NAPEPLD: variants seen among roughly 807,000 people sequenced by gnomAD.
NAPEPLD encodes N-acyl-phosphatidylethanolamine-hydrolyzing phospholipase D.
In NAPEPLD, 23 loss-of-function variants were observed where a neutral mutation model predicts 38.1. That is an observed-to-expected ratio of 0.60 (90% CI 0.43 to 0.86). NAPEPLD has a LOEUF of 0.86. Among genes scored for constraint, NAPEPLD ranks in the 40% least tolerant of loss-of-function variants. The pLI is 0.00. For missense variants in NAPEPLD, 411 were observed against 476.8 expected (o/e 0.86, Z 1.28); for synonymous variants, 147 against 162.0 (o/e 0.91, Z 0.71).
At chr7:103,117,183 C>T (rs1323430024) in intron 3 of NAPEPLD, among the ~76,000 whole-genome samples, 1 of 152,200 alleles carries the variant, frequency 6.6e-6, no homozygotes, top group African/African-American at 2.4e-5. Flanking sequence ...TTACAGAAGA[C>T]ATCATGGAGA....
chr7:103,134,249 A>G (rs1809570781), intron 1 of NAPEPLD, among the ~76,000 whole-genome samples: 1 of 152,240 alleles, frequency 6.6e-6, no homozygotes, highest in South Asian at 2.1e-4. Context: ...TGTGAACAAC[A>G]GTTAGTTATA....
upstream of NAPEPLD, chr7:103,149,221 C>T (rs1249996945): frequency 1.0e-6 from 1 of 997,628 alleles, no homozygotes; most frequent in African/African-American, 1.7e-5. Flanking sequence ...ACTCGGGATC[C>T]CGGGCCGCGG....
At chr7:103,140,387 C>CTTT (rs377763676) in intron 1 of NAPEPLD, among the ~76,000 whole-genome samples, 1,699 of 92,366 alleles carry the variant, frequency 0.018, 61 homozygotes, top group African/African-American at 0.021. Flanking sequence ...TCACAGAACT[C>CTTT]TTTTTTTTTT....
chr7:103,142,372 G>A (rs756494835), intron 1 of NAPEPLD, among the ~76,000 whole-genome samples: 3 of 152,128 alleles, frequency 2.0e-5, no homozygotes, highest in East Asian at 1.9e-4. Flanking sequence ...TTGGGAGGCC[G>A]AGGCAGGTGG....
intron 1 of NAPEPLD, among the ~76,000 whole-genome samples, chr7:103,136,351 T>C (rs546781232): frequency 6.7e-6 from 1 of 148,232 alleles, no homozygotes; most frequent in South Asian, 2.2e-4. Flanking sequence ...GTGGGCAGAC[T>C]GCCTGAGCTC....
intron 4 of NAPEPLD, among the ~76,000 whole-genome samples, chr7:103,114,772 G>C (rs1805235075): frequency 6.6e-6 from 1 of 152,154 alleles, no homozygotes; most frequent in Admixed American, 6.5e-5. Flanking sequence ...TGCTTTTCTA[G>C]TCTCCAGACC....
In NAPEPLD at chr7:103,111,996, T is replaced by C. The variant is rs181116528; in HGVS notation, c.1056+3064A>G. On this transcript the variant is annotated intron_variant, in intron 4 of 4. Transcript: ENST00000465647. The stretch of plus-strand genomic sequence containing the variant: ...GACATTTATGCAGCCAACAAACATA[T>C]GAAAAAAAAAACTCATCATCACTGG... Among the ~76,000 whole-genome samples the C allele has an allele frequency of 8.4e-4, 126 of 150,866 alleles. 1 individual carries two copies. Among genetic ancestry groups the C allele is most frequent in the Middle Eastern group, 3.4e-3 (1 of 292 alleles).
chr7:103,113,604 T>C (rs980048361), intron 4 of NAPEPLD, among the ~76,000 whole-genome samples: 8 of 149,966 alleles, frequency 5.3e-5, no homozygotes, highest in Non-Finnish European at 8.9e-5. Context: ...AGTCTCACTT[T>C]TTTTTTTAAG....
chr7:103,145,775 C>T (rs958011855), intron 1 of NAPEPLD, among the ~76,000 whole-genome samples: 1 of 152,010 alleles, frequency 6.6e-6, no homozygotes, highest in African/African-American at 2.4e-5. Context: ...CATGCTGTCA[C>T]CCTAATTATG....
chr7:103,123,095 G>A (rs1807052886), intron 2 of NAPEPLD, among the ~76,000 whole-genome samples: 1 of 152,104 alleles, frequency 6.6e-6, no homozygotes, highest in South Asian at 2.1e-4. Context: ...ACCCTGCACG[G>A]TACTCATCCC....
At chr7:103,132,784 C>CA (rs770302727) in intron 1 of NAPEPLD, among the ~76,000 whole-genome samples, 2 of 151,350 alleles carry the variant, frequency 1.3e-5, no homozygotes, top group Non-Finnish European at 3.0e-5. Flanking sequence ...GACTCCGTCT[C>CA]AAAGAAAGAA....
At chr7:103,109,809 C>T (rs771636712) in intron 4 of NAPEPLD, among the ~76,000 whole-genome samples, 2 of 150,624 alleles carry the variant, frequency 1.3e-5, no homozygotes, top group East Asian at 2.0e-4. Flanking sequence ...AATCCAGGAG[C>T]TGGATTCATT....
chr7:103,107,335 C>T (rs1213866609), intron 4 of NAPEPLD, among the ~76,000 whole-genome samples: 3 of 152,044 alleles, frequency 2.0e-5, no homozygotes, highest in Non-Finnish European at 4.4e-5. Flanking sequence ...AACCATAACA[C>T]TTCCTCTCCT....
chr7:103,116,093 A>G (rs7801602), intron 3 of NAPEPLD, among the ~76,000 whole-genome samples: 134,697 of 151,402 alleles, frequency 0.89, 61,979 homozygotes, highest in East Asian at 1. Context: ...ATTGAGTCTC[A>G]CTCTGTCGCC....
chr7:103,145,162 A>T (rs1348545521), intron 1 of NAPEPLD, among the ~76,000 whole-genome samples: 2 of 152,254 alleles, frequency 1.3e-5, no homozygotes, highest in African/African-American at 4.8e-5. Context: ...TAAATTGAAG[A>T]TGAAGATTAT....
chr7:103,148,831 A>G lies in NAPEPLD; in HGVS notation c.-37T>C. On this transcript the variant is annotated 5_prime_UTR_variant, in exon 1 of 5. Transcript: ENST00000465647. ...CCCACATGTATTCCTATCAGTGAAG[A>G]TGCAACCTGGTAATTTGCAGGGAAG... The G allele has an allele frequency of 1.0e-6, 1 of 985,426 alleles. No individual in the cohort carries two copies. The highest frequency in any genetic ancestry group is 1.2e-6 in the Non-Finnish European group (1 of 829,928). The allele number at this position is 985,426 out of a possible 1,614,324, so 61.0% of individuals were successfully genotyped here. A position where few individuals can be genotyped will look rare whatever the true frequency, so the allele number is the denominator to read the frequency against.
chr7:103,141,158 C>A (rs577479505), intron 1 of NAPEPLD, among the ~76,000 whole-genome samples: 3 of 149,198 alleles, frequency 2.0e-5, no homozygotes, highest in African/African-American at 7.4e-5. Flanking sequence ...GAACAAAGTG[C>A]AAATCCTCCC....
At chr7:103,148,223 C>T (rs1293031218) in intron 1 of NAPEPLD, 1 of 540,558 alleles carries the variant, frequency 1.8e-6, no homozygotes, top group Admixed American at 6.4e-5. Flanking sequence ...TCAGAATTAT[C>T]AAGTAGCAAA....
upstream of NAPEPLD, chr7:103,149,542 G>A (rs1813306310): frequency 2.5e-6 from 3 of 1,214,886 alleles, no homozygotes; most frequent in Non-Finnish European, 1.1e-6. Flanking sequence ...TGACAGCAGG[G>A]CCAGCGGTGG....
Sources: allele counts gnomAD v4.1 joint callset (sites outside exome capture counted in the v4.1 genomes callset), GRCh38; gene constraint gnomAD v4.1.1; transcripts MANE v1.5; gene names NCBI Gene and HGNC (gene_info 2026-07-23, HGNC 2026-07-21).